MICAL1: variants seen among roughly 807,000 people sequenced by gnomAD.
MICAL1 encodes the protein [F-actin]-monooxygenase MICAL1.
In MICAL1, 95 loss-of-function variants were observed where a neutral mutation model predicts 131.8. That is an observed-to-expected ratio of 0.72 (90% confidence interval 0.61 to 0.86). The LOEUF (loss-of-function observed/expected upper bound fraction) is 0.86. MICAL1 is among the 40% of genes least tolerant of loss of function. The pLI, the probability that MICAL1 is intolerant of heterozygous loss-of-function variation, is 0.00. For missense variants in MICAL1, 1,292 were observed against 1,380.6 expected, an observed-to-expected ratio of 0.94 and a Z score of 1.02; for synonymous variants, 546 against 554.2, an observed-to-expected ratio of 0.99 and a Z score of 0.21.
Position 109,447,225 on chromosome 6 carries a change from C to T in MICAL1, c.2075G>A (p.Gly692Asp), listed in dbSNP as rs1295129674. 4.3e-6 allele frequency: 7 copies of T among 1,614,054 alleles called. No individual in the cohort carries two copies. Among genetic ancestry groups the T allele is most frequent in the Non-Finnish European group, 5.9e-6 (7 of 1,179,926 alleles). Residue 692 changes from glycine to aspartate, a missense_variant, in exon 17 of 25, where the codon GGT becomes GAT. Physicochemically the swap from Gly to Asp is moderately conservative, Grantham distance 94 (BLOSUM62 -1). Transcript: ENST00000358807. ...LTPPSQHQEA[G>D]AGDLCALCGE... ...ACAAAGTGCACACAGGTCCCCAGCA[C>T]CGGCCTGCGTGGACCCCCAGGACAC...
At chr6:109,444,834 TAAGGTGCCC>T in intron 23 of MICAL1, 36 bp from the exon 24 acceptor site, 3 of 1,614,162 alleles carry the variant, frequency 1.9e-6, no homozygotes, top group Non-Finnish European at 2.5e-6. Context: ...CAGAGCTGTC[TAAGGTGCCC>T]AAGGGGCTGG....
At chr6:109,453,389 G>A (rs1025966987) in intron 3 of MICAL1, 22 bp from the exon 4 acceptor site, 2 of 1,608,924 alleles carry the variant, frequency 1.2e-6, no homozygotes, top group East Asian at 2.2e-5. Flanking sequence ...AGGACATTAG[G>A]AACAGGGACC....
intron 6 of MICAL1, chr6:109,451,981 G>A: frequency 7.9e-6 from 11 of 1,388,328 alleles, no homozygotes; most frequent in African/African-American, 1.5e-5. Flanking sequence ...AGTAAACAGA[G>A]GCACCTTCTT....
intron 19 of MICAL1, 78 bp downstream of exon 19, chr6:109,446,058 C>G (rs1219166868): frequency 6.7e-6 from 10 of 1,497,656 alleles, no homozygotes; most frequent in Non-Finnish European, 8.0e-6. Flanking sequence ...CCTCTGTATT[C>G]CCCAGAATTC....
chr6:109,449,799 T>C lies in MICAL1; in HGVS notation c.1308-16A>G. 1.2e-6 allele frequency: 2 copies of C among 1,603,040 alleles called. No homozygotes were observed. The highest frequency in any genetic ancestry group is 1.1e-5 in the South Asian group (1 of 89,272). On this transcript the variant is annotated splice_polypyrimidine_tract_variant and intron_variant, in intron 9 of 24. Coordinates refer to ENST00000358807, the MANE Select transcript of MICAL1 (RefSeq NM_022765.4). ...CAGGCTCTCACTGAGGGGGTGAGGGTAAGGGGCAGGGGCATGAATGGGAGG... is the reference window on the plus strand; with the variant it reads ...CAGGCTCTCACTGAGGGGGTGAGGGCAAGGGGCAGGGGCATGAATGGGAGG...
Position 109,450,553 on chromosome 6 carries a change from C to G in MICAL1, c.938G>C (p.Trp313Ser). Residue 313 changes from tryptophan (W) to serine (S), a missense_variant, in exon 8 of 25, where the codon TGG becomes TCG. By Grantham distance (177) the Trp-to-Ser change is radical. Transcript: ENST00000358807. The stretch of plus-strand genomic sequence containing the variant: ...GCCCAGCAGCCGATTGGTGTCTGGC[C>G]AGTCCTGTATGGTCAACAGAGCAGA... ...LLRLGVLRQD[W>S]PDTNRLLGSA... The G allele has an allele frequency of 6.2e-7, 1 of 1,606,924 alleles. No homozygotes were observed. Among genetic ancestry groups the G allele is most frequent in the Non-Finnish European group, 8.5e-7 (1 of 1,175,224 alleles).
chr6:109,464,324 A>G (rs1775981053), intron 1 of MICAL1: 1 of 152,188 alleles, frequency 6.6e-6, no homozygotes, highest in Non-Finnish European at 1.5e-5. Context: ...AGAATTCTCT[A>G]TTACTCTAAC....
intron 8 of MICAL1, 46 bp downstream of exon 8, chr6:109,450,254 C>T (rs751483859): frequency 3.8e-6 from 6 of 1,585,474 alleles, no homozygotes; most frequent in Non-Finnish European, 5.2e-6. Flanking sequence ...TACTAGGCAG[C>T]TCCCTCCCCT....
At position 109,447,671 on chromosome 6, in the gene MICAL1, C is replaced by G; in HGVS notation, c.1986+10G>C. 1 of 1,614,034 alleles carries G rather than the reference C, an allele frequency of 6.2e-7. No homozygotes were observed. Among genetic ancestry groups the G allele is most frequent in the Non-Finnish European group, 8.5e-7 (1 of 1,179,968 alleles). ...GGGTAGGAGACCGACCCGCCCCTGC[C>G]TGCATTCACCTCCAAGCGCAGCTTC... On this transcript the variant is annotated intron_variant, in intron 15 of 24. Transcript: ENST00000358807.
intron 18 of MICAL1, 106 bp downstream of exon 18, chr6:109,446,590 A>G: frequency 7.2e-7 from 1 of 1,382,364 alleles, no homozygotes; most frequent in Non-Finnish European, 1.0e-6. Flanking sequence ...CAGAGCTTAC[A>G]TGCTAGTAGA....
intron 12 of MICAL1, 161 bp downstream of exon 12, chr6:109,448,571 G>A: frequency 7.7e-7 from 1 of 1,297,588 alleles, no homozygotes; most frequent in Non-Finnish European, 1.1e-6. Flanking sequence ...CCTGGCTTTG[G>A]GGGCCTGTGC....
chr6:109,456,223 C>T (rs979952459), upstream of MICAL1, among the ~76,000 whole-genome samples: 17 of 152,222 alleles, frequency 1.1e-4, no homozygotes, highest in Non-Finnish European at 1.8e-4. Flanking sequence ...GTCCCAGGTC[C>T]GCTGGCAGCC....
rs759772011 is a variant in MICAL1 at position 109,449,312 on chromosome 6, C to T, written c.1516+88G>A. On this transcript the variant is annotated intron_variant, in intron 11 of 24. Coordinates refer to ENST00000358807, the MANE Select transcript of MICAL1 (RefSeq NM_022765.4). ...AGTGCTCCGGCACGCTGCTCCTGTC[C>T]TGAGGCTGCAGCTGCTTTGCAGGGA... The T allele has an allele frequency of 2.1e-6, 3 of 1,402,970 alleles. No individual in the cohort carries two copies. The South Asian group carries it at 3.5e-5, about 16-fold the overall frequency. The allele number at this position is 1,402,970 out of a possible 1,614,324, so 86.9% of individuals were successfully genotyped here.
chr6:109,455,807 G>A, upstream of MICAL1: 1 of 914,734 alleles, frequency 1.1e-6, no homozygotes, highest in Non-Finnish European at 1.3e-6. This position sits in a 1 kb window ranked among gnomAD's most constrained non-coding sequence, Gnocchi z 4.7. Flanking sequence ...GGGCGGGGGC[G>A]GAAACGCCGA....
rs1018362773 is a variant in MICAL1, at chr6:109,447,564, G to C, written c.1986+117C>G. On this transcript the variant is annotated intron_variant, in intron 15 of 24. Transcript: ENST00000358807. ...GAGACTAGGCAGGGAGGCTGGATGGGGGGGTTACAGGACCTGGGGTGGGGA... is the reference window on the plus strand; with the variant it reads ...GAGACTAGGCAGGGAGGCTGGATGGCGGGGTTACAGGACCTGGGGTGGGGA... 5.9e-6 allele frequency: 9 copies of C among 1,538,240 alleles called. No homozygotes were observed. The African/African-American group carries it at 1.1e-4, about 19-fold the overall frequency.
intron 1 of MICAL1, chr6:109,465,546 C>A: frequency 8.8e-7 from 1 of 1,134,288 alleles, no homozygotes; most frequent in Non-Finnish European, 1.2e-6. Context: ...ACATTTAAAC[C>A]TTACAGAAAA....
In MICAL1 at chr6:109,455,069, C is replaced by G. The variant is rs1329712208; in HGVS notation, c.-44+650G>C. 6.6e-6 allele frequency among the ~76,000 whole-genome samples: 1 copy of G among 151,950 alleles called. No homozygotes were observed. The highest frequency in any genetic ancestry group is 1.9e-4 in the East Asian group (1 of 5,142). ...TACCCCGCCCCGCCCCCTGTGCGCC[C>G]GGGCGCGCTCTCCCAGGAATCTCCG... is the stretch of plus-strand genomic sequence containing the variant. On this transcript the variant is annotated intron_variant, in intron 1 of 24. Transcript: ENST00000358807. The surrounding 1 kb of genome is among the most constrained non-coding windows in gnomAD (Gnocchi z 4.7).
In MICAL1 at chr6:109,445,614, G is replaced by A. The variant is rs41288552; in HGVS notation, c.2674-85C>T. 1,148 of 1,547,810 alleles carry A rather than the reference G, an allele frequency of 7.4e-4. 2 individuals are homozygous for A. Among genetic ancestry groups the A allele is most frequent in the Non-Finnish European group, 8.8e-4 (994 of 1,124,608 alleles). ...TGTTTGGAAAGGCAGAAAATAACCC[G>A]TGCTGAAGTGGGGTAAGCTCTGGTA... is the stretch of plus-strand genomic sequence containing the variant. On this transcript the variant is annotated intron_variant, in intron 20 of 24. Coordinates refer to ENST00000358807, the MANE Select transcript of MICAL1 (RefSeq NM_022765.4).
chr6:109,444,945 C>A lies in MICAL1; in HGVS notation c.2932G>T (p.Val978Phe). Reference sequence around the variant, plus strand: ...GCCACCAGGCTGTTTTTCTTGTCAACGAGCTGTAGCAGCTGTCCTACCCAT... The same window carrying A: ...GCCACCAGGCTGTTTTTCTTGTCAAAGAGCTGTAGCAGCTGTCCTACCCAT... ...KLWVGQLLQL[V>F]DKKNSLVAEE... is the part of the protein sequence containing the mutation. The change falls in exon 23 of 25, where the codon GTT becomes TTT. Residue 978 changes from valine (V) to phenylalanine (F), a missense_variant. Physicochemically the swap from Val to Phe is conservative, Grantham distance 50. Transcript: ENST00000358807. 1.2e-6 allele frequency: 2 copies of A among 1,614,128 alleles called. No individual in the cohort carries two copies. Among genetic ancestry groups the A allele is most frequent in the Non-Finnish European group, 8.5e-7 (1 of 1,180,040 alleles).
Sources: allele counts gnomAD v4.1 joint callset (sites outside exome capture counted in the v4.1 genomes callset), GRCh38; gene constraint gnomAD v4.1.1; non-coding constraint Gnocchi (gnomAD v3.1); transcripts MANE v1.5; gene names NCBI Gene and HGNC (gene_info 2026-07-23, HGNC 2026-07-21).